Variants in ZNF300 observed in about 807,000 individuals in gnomAD.
ZNF300 encodes kruppel-like zinc finger protein.
ZNF300 carries 6 observed loss-of-function variants against 13.9 expected under a neutral mutation model. That is an observed-to-expected ratio of 0.43 (90% CI 0.24 to 0.85). The LOEUF is 0.85. ZNF300 is among the 40% of genes least tolerant of loss of function. ZNF300 has a pLI of 0.25. For missense variants in ZNF300, 662 were observed against 714.2 expected (o/e 0.93, Z 0.83); for synonymous variants, 237 against 242.2 (o/e 0.98, Z 0.20).
At chr5:150,901,365 AC>A (rs1754989434) in intron 3 of ZNF300, among the ~76,000 whole-genome samples, 1 of 152,146 alleles carries the variant, frequency 6.6e-6, no homozygotes, top group African/African-American at 2.4e-5. Context: ...ATCCTTAAAA[AC>A]TACTAGTGAG....
intron 5 of ZNF300, chr5:150,897,618 C>T (rs1754840903): frequency 6.1e-6 from 1 of 165,018 alleles, no homozygotes; most frequent in African/African-American, 2.4e-5. Flanking sequence ...CACCCTCCTC[C>T]TTCAGCCTCA....
chr5:150,896,623 T>A lies in ZNF300; in HGVS notation c.616A>T (p.Ser206Cys). The A allele has an allele frequency of 6.2e-7, 1 of 1,613,690 alleles. No individual in the cohort carries two copies. Among genetic ancestry groups the A allele is most frequent in the South Asian group, 1.1e-5 (1 of 91,074 alleles). ...TGATCAGGTTTTTTTCTTGAATTGC[T>A]CTTATAACAACTCGGTAGGTCAATA... is the stretch of plus-strand genomic sequence containing the variant. The part of the protein sequence containing the change: ...PNIDLPSCYK[S>C]NSRKKPDQSF... Residue 206 changes from serine (S) to cysteine (C), a missense_variant, in exon 6 of 6, where the codon AGC (serine) becomes TGC (cysteine). By Grantham distance (112) the Ser-to-Cys change is moderately radical. Transcript: ENST00000274599.
rs547914659 is a variant in ZNF300 at position 150,896,436 on chromosome 5, C to T, written c.803G>A (p.Ser268Asn). Residue 268 changes from serine to asparagine, a missense_variant, in exon 6 of 6, where the codon AGC becomes AAC. By Grantham distance (46) the Ser-to-Asn change is conservative. Coordinates refer to ENST00000274599, the MANE Select transcript of ZNF300 (RefSeq NM_052860.4). ...QYQNVETKEK[S>N]CVCVTCGKAF... ...TTTTCCACATGTAACACATACACAG[C>T]TTTTCTCTTTAGTTTCCACATTCTG... 1.0e-4 allele frequency: 166 copies of T among 1,613,604 alleles called. 2 individuals are homozygous for T. The South Asian group carries it at 1.8e-3, about 17-fold the overall frequency.
Position 150,896,198 on chromosome 5 carries a change from G to A in ZNF300, c.1041C>T (p.His347=). The part of the protein sequence containing the change: ...KSSLIIHQRV[H]TGEKPYECSE... ...TACATTCATAGGGTTTTTCCCCAGT[G>A]TGAACTCTCTGATGTATAATAAGGG... The change falls in exon 6 of 6, where the codon CAC becomes CAT. Residue 347 remains histidine (H), a synonymous_variant. Coordinates refer to ENST00000274599, the MANE Select transcript of ZNF300 (RefSeq NM_052860.4). 2 of 1,613,508 alleles carry A rather than the reference G, an allele frequency of 1.2e-6. No homozygotes were observed. Among genetic ancestry groups the A allele is most frequent in the Non-Finnish European group, 1.7e-6 (2 of 1,179,742 alleles).
chr5:150,898,678 GT>G, intron 3 of ZNF300, 124 bp from the exon 4 acceptor site: 1 of 1,159,078 alleles, frequency 8.6e-7, no homozygotes, highest in Non-Finnish European at 1.2e-6. Flanking sequence ...ATAAAATCCT[GT>G]TTTTAGCAAG....
rs1391417120 is a variant in ZNF300, at chr5:150,896,714, T to C, written c.525A>G (p.Ile175Met). Residue 175 changes from isoleucine to methionine, a missense_variant, in exon 6 of 6, where the codon ATA becomes ATG. Ile to Met is a conservative substitution (Grantham distance 10, BLOSUM62 1). Transcript: ENST00000274599. ...NPLGKIFQEC[I>M]ETDISIQRFH... The stretch of plus-strand genomic sequence containing the variant: ...ATCTCTGTATTGATATATCTGTTTC[T>C]ATGCACTCTTGAAATATTTTCCCCA... 1 of 1,613,504 alleles carries C rather than the reference T, an allele frequency of 6.2e-7. No homozygotes were observed. The highest frequency in any genetic ancestry group is 8.5e-7 in the Non-Finnish European group (1 of 1,179,778).
Position 150,896,921 on chromosome 5 carries a change from GGAAACTGTCCCCAA to G in ZNF300, c.304_317del (p.Gly103ProfsTer3). On this transcript the variant is annotated frameshift_variant, in exon 6 of 6. Transcript: ENST00000274599. LOFTEE classifies it low-confidence loss of function (END_TRUNC). ...CTCCTTTCAGTATCTTATGATGGAA[GGAAACTGTCCCCAA>G]AATACATGACTGGGAGTTGTGAAGG... is the stretch of plus-strand genomic sequence containing the variant. 6.2e-7 allele frequency: 1 copy of G among 1,613,256 alleles called. No homozygotes were observed. Among genetic ancestry groups the G allele is most frequent in the Non-Finnish European group, 8.5e-7 (1 of 1,179,604 alleles).
chr5:150,895,255 C>CTAT lies in ZNF300; in HGVS notation c.*166_*168dup, dbSNP rs1159616485. The CTAT allele has an allele frequency of 7.7e-6, 4 of 521,456 alleles. No individual in the cohort carries two copies. In the Admixed American group the frequency reaches 1.4e-4, roughly 19 times the overall value. The allele number at this position is 521,456 out of a possible 1,614,324, so 32.3% of individuals were successfully genotyped here. A position where few individuals can be genotyped will look rare whatever the true frequency, so the allele number is the denominator to read the frequency against. On this transcript the variant is annotated 3_prime_UTR_variant, in exon 6 of 6. Transcript: ENST00000274599. ...TTAAAAATGTTCTTCATTTATATAACTATTTTCCATCATCTTTGCTGGAAA... is the reference window on the plus strand; with the variant it reads ...TTAAAAATGTTCTTCATTTATATAACTATTATTTTCCATCATCTTTGCTGGAAA...
rs1404118861 is a variant in ZNF300, at chr5:150,903,151, A to G, written c.5T>C (p.Met2Thr). The change falls in exon 3 of 6, where the codon ATG (methionine) becomes ACG (threonine). Residue 2 changes from methionine to threonine, a missense_variant. Met to Thr is a moderately conservative substitution (Grantham distance 81, BLOSUM62 -1). Transcript: ENST00000274599. The part of the protein sequence containing the change: M[M>T]KSQGLVSFKD... ...TAAAAAGCAACTCACCTGGGACTTC[A>G]TCATTTTTTGCTCTTCCAAAAGGCC... 6.4e-7 allele frequency: 1 copy of G among 1,574,286 alleles called. No homozygotes were observed. Among genetic ancestry groups the G allele is most frequent in the African/African-American group, 1.6e-5 (1 of 63,930 alleles).
At chr5:150,897,018 ATT>A in intron 5 of ZNF300, 45 bp from the exon 6 acceptor site, 1 of 1,461,012 alleles carries the variant, frequency 6.8e-7, no homozygotes, top group South Asian at 1.3e-5. Context: ...ACAAGAGTCA[ATT>A]AAGAGGGTAA....
In ZNF300 at chr5:150,895,873, G is replaced by A; in HGVS notation, c.1366C>T (p.Gln456Ter). 1 of 1,613,642 alleles carries A rather than the reference G, an allele frequency of 6.2e-7. No individual in the cohort carries two copies. Among genetic ancestry groups the A allele is most frequent in the Non-Finnish European group, 8.5e-7 (1 of 1,179,842 alleles). ...FSRKTELITH[Q>*]LVHTGEKPYE... ...GGTTTTTCCCCAGTATGAACTAACT[G>A]ATGTGTAATGAGTTCTGTCTTCCTG... The change falls in exon 6 of 6, where the codon CAG (glutamine) becomes TAG (stop). Residue 456 changes from glutamine (Q) to a stop codon, truncating the protein, a stop_gained. Coordinates refer to ENST00000274599, the MANE Select transcript of ZNF300 (RefSeq NM_052860.4). LOFTEE classifies it low-confidence loss of function (END_TRUNC).
intron 3 of ZNF300, chr5:150,900,525 T>C (rs959404040): frequency 6.6e-6 from 1 of 152,134 alleles, no homozygotes; most frequent in African/African-American, 2.4e-5. Flanking sequence ...TGTTAGTTTC[T>C]ACATCTCTTT....
In ZNF300 at chr5:150,896,015, C is replaced by T. The variant is rs76474888; in HGVS notation, c.1224G>A (p.Pro408=). 0.013 allele frequency: 20,596 copies of T among 1,613,268 alleles called. 561 individuals carry two copies. The highest frequency in any genetic ancestry group is 0.076 in the African/African-American group (5,677 of 74,872). ...CTTTCCCACATTCGGTACACTCATACGGCTTCTCTCCAGTATGAGCTCTGT... is the reference window on the plus strand; with the variant it reads ...CTTTCCCACATTCGGTACACTCATATGGCTTCTCTCCAGTATGAGCTCTGT... ...IHHRAHTGEK[P]YECTECGKAF... Residue 408 remains proline (P), a synonymous_variant, in exon 6 of 6, where the codon CCG becomes CCA. Coordinates refer to ENST00000274599, the MANE Select transcript of ZNF300 (RefSeq NM_052860.4).
Position 150,896,488 on chromosome 5 carries a change from T to C in ZNF300, c.751A>G (p.Arg251Gly). 2 of 1,613,484 alleles carry C rather than the reference T, an allele frequency of 1.2e-6. No homozygotes were observed. Among genetic ancestry groups the C allele is most frequent in the Non-Finnish European group, 1.7e-6 (2 of 1,179,766 alleles). Residue 251 changes from arginine (R) to glycine (G), a missense_variant, in exon 6 of 6, where the codon AGA becomes GGA. Transcript: ENST00000274599. ...FDDNQCGNVF[R>G]NTQSLIQYQN... ...TATTGAATAAGGGATTGTGTATTTC[T>C]AAAAACGTTTCCACACTGATTATCA...
chr5:150,896,631 C>T lies in ZNF300; in HGVS notation c.608G>A (p.Cys203Tyr), dbSNP rs145259949. ...TTTTTTTCTTGAATTGCTCTTATAA[C>T]AACTCGGTAGGTCAATATTTGGTTT... The part of the protein sequence containing the change: ...NLKPNIDLPS[C>Y]YKSNSRKKPD... The change falls in exon 6 of 6, where the codon TGT becomes TAT. Residue 203 changes from cysteine (C) to tyrosine (Y), a missense_variant. By Grantham distance (194) the Cys-to-Tyr change is radical. Coordinates refer to ENST00000274599, the MANE Select transcript of ZNF300 (RefSeq NM_052860.4). 727 of 1,613,594 alleles carry T rather than the reference C, an allele frequency of 4.5e-4. 4 individuals carry two copies. The African/African-American group carries it at 8.3e-3, about 19-fold the overall frequency.
In ZNF300 at chr5:150,894,577, G is replaced by A. The variant is rs1192551420; in HGVS notation, c.*847C>T. The A allele has an allele frequency of 7.2e-5, 11 of 152,218 alleles. No homozygotes were observed. The highest frequency in any genetic ancestry group is 2.4e-4 in the African/African-American group (10 of 41,416). 9.4% of individuals were successfully genotyped at this position (152,218 alleles called of 1,614,324 possible). A position where few individuals can be genotyped will look rare whatever the true frequency, so the allele number is the denominator to read the frequency against. On this transcript the variant is annotated 3_prime_UTR_variant, in exon 6 of 6. Coordinates refer to ENST00000274599, the MANE Select transcript of ZNF300 (RefSeq NM_052860.4). The stretch of plus-strand genomic sequence containing the variant: ...AGAGGGAAAAGCAAGCTCAGACGTG[G>A]TTTTTACACATTAGTCTTAACATCT...
At position 150,895,246 on chromosome 5, in the gene ZNF300, T is replaced by C. The variant is rs538839586; in HGVS notation, c.*178A>G. 1.5e-3 allele frequency: 751 copies of C among 509,794 alleles called. No individual in the cohort carries two copies. Among genetic ancestry groups the C allele is most frequent in the Non-Finnish European group, 1.8e-3 (519 of 292,058 alleles). 31.6% of individuals were successfully genotyped at this position (509,794 alleles called of 1,614,324 possible). A position where few individuals can be genotyped will look rare whatever the true frequency, so the allele number is the denominator to read the frequency against. On this transcript the variant is annotated 3_prime_UTR_variant, in exon 6 of 6. Transcript: ENST00000274599. ...CATGCCATATTAAAAATGTTCTTCA[T>C]TTATATAACTATTTTCCATCATCTT...
At chr5:150,897,778 G>A (rs1754846273) in intron 5 of ZNF300, 1 of 390,540 alleles carries the variant, frequency 2.6e-6, no homozygotes, top group Non-Finnish European at 4.5e-6. Flanking sequence ...TCATTTATCT[G>A]GGAATATTGC....
At chr5:150,901,568 A>G (rs1284346738) in intron 3 of ZNF300, among the ~76,000 whole-genome samples, 2 of 152,044 alleles carry the variant, frequency 1.3e-5, no homozygotes, top group Non-Finnish European at 2.9e-5. Context: ...AGAACTCTAA[A>G]CTCTACTGTA....
Sources: gnomAD v4.1 joint callset for allele counts (sites outside exome capture counted in the v4.1 genomes callset) on GRCh38, gnomAD v4.1.1 for gene constraint, MANE v1.5 for transcripts, NCBI Gene and HGNC (gene_info 2026-07-23, HGNC 2026-07-21) for gene names.